Variants in SPAG9 observed in about 807,000 individuals in gnomAD.
The protein encoded by SPAG9 is sperm associated antigen 9.
SPAG9 carries 35 observed loss-of-function variants against 166.5 expected under a neutral mutation model. The ratio of observed to expected loss-of-function variants is 0.21; its 90% CI spans 0.16 to 0.28. The LOEUF is 0.28. SPAG9 is among the 10% of genes least tolerant of loss of function. The probability of loss-of-function intolerance (pLI) is 1.00; values close to 1 mark genes in which losing one functional copy is unlikely to be tolerated. For synonymous variants in SPAG9, 534 were observed against 565.5 expected, an observed-to-expected ratio of 0.94 and a Z score of 0.79; for missense variants, 1,235 against 1,603.3, an observed-to-expected ratio of 0.77 and a Z score of 3.92.
rs772023935 is a variant in SPAG9, at chr17:51,005,259, G to A, written c.1429C>T (p.Arg477Trp). The change falls in exon 12 of 30, where the codon CGG becomes TGG. Residue 477 changes from arginine to tryptophan, a missense_variant. Physicochemically the swap from Arg to Trp is moderately radical, Grantham distance 101. Transcript: ENST00000262013. Reference protein sequence around the residue: ...RELEEELRKARAEAEDARQKA... With the variant: ...RELEEELRKAWAEAEDARQKA... ...TGCCTTGCATCTTCAGCTTCTGCCC[G>A]AGCTCTAGTGGGGAAAAAACAAAAC... 38 of 1,613,538 alleles carry A rather than the reference G, an allele frequency of 2.4e-5. No homozygotes were observed. The highest frequency in any genetic ancestry group is 3.1e-5 in the Non-Finnish European group (36 of 1,179,812).
At chr17:51,092,443 A>G (rs2144694297) in intron 1 of SPAG9, among the ~76,000 whole-genome samples, 1 of 152,294 alleles carries the variant, frequency 6.6e-6, no homozygotes, top group South Asian at 2.1e-4. Context: ...CAACTACAAA[A>G]CTACATTTAA....
chr17:51,095,024 G>A (rs989205524), intron 1 of SPAG9, among the ~76,000 whole-genome samples: 3 of 152,132 alleles, frequency 2.0e-5, no homozygotes, highest in Admixed American at 6.6e-5. Context: ...GGCTGGGCGC[G>A]GTGGCTGACG....
chr17:50,974,717 A>G (rs1053267705), intron 28 of SPAG9, 54 bp downstream of exon 28: 2 of 1,467,664 alleles, frequency 1.4e-6, no homozygotes, highest in Non-Finnish European at 1.8e-6. Context: ...GAACCAAGAG[A>G]TGACAGAAGA....
chr17:51,043,801 T>C (rs966959694), intron 4 of SPAG9, among the ~76,000 whole-genome samples: 2 of 152,188 alleles, frequency 1.3e-5, no homozygotes, highest in Non-Finnish European at 2.9e-5. Context: ...CTCACACTAA[T>C]AGAAATCAAA....
At chr17:51,097,198 G>A (rs1403589819) in intron 1 of SPAG9, among the ~76,000 whole-genome samples, 1 of 152,226 alleles carries the variant, frequency 6.6e-6, no homozygotes, top group Non-Finnish European at 1.5e-5. Flanking sequence ...GGGCATGGAA[G>A]CTCTGCACCA....
At chr17:51,073,497 GAAAT>G (rs1399372290) in intron 2 of SPAG9, among the ~76,000 whole-genome samples, 1 of 151,540 alleles carries the variant, frequency 6.6e-6, no homozygotes. Context: ...AAAAAATTAA[GAAAT>G]AAGTAATTTT....
At chr17:51,065,314 C>T (rs1568055198) in intron 2 of SPAG9, among the ~76,000 whole-genome samples, 2 of 151,996 alleles carry the variant, frequency 1.3e-5, no homozygotes, top group Non-Finnish European at 1.5e-5. Context: ...ATTATAGGCA[C>T]GAGCCACCAG....
chr17:51,119,934 T>C (rs2144818282), intron 1 of SPAG9, among the ~76,000 whole-genome samples: 1 of 152,310 alleles, frequency 6.6e-6, no homozygotes, highest in African/African-American at 2.4e-5. Context: ...GTACTGGAAC[T>C]AGCGGAAGTT....
At chr17:51,038,828 T>C (rs746217867) in intron 5 of SPAG9, among the ~76,000 whole-genome samples, 27 of 152,226 alleles carry the variant, frequency 1.8e-4, no homozygotes, top group Admixed American at 7.2e-4. Flanking sequence ...TTCTATTATT[T>C]CATTTATTTG....
At chr17:50,993,676 TG>T in intron 19 of SPAG9, 87 bp downstream of exon 19, 1 of 1,308,646 alleles carries the variant, frequency 7.6e-7, no homozygotes, top group Non-Finnish European at 1.1e-6. Context: ...GACAGCAAGG[TG>T]CAGAACTGCA....
chr17:50,971,341 CA>C (rs1973788265), intron 28 of SPAG9, among the ~76,000 whole-genome samples: 2 of 134,178 alleles, frequency 1.5e-5, no homozygotes, highest in Admixed American at 1.5e-4. Flanking sequence ...AACAAACAAA[CA>C]AAACCCAATT....
intron 29 of SPAG9, among the ~76,000 whole-genome samples, chr17:50,970,239 C>T (rs1243207075): frequency 3.9e-5 from 6 of 152,000 alleles, no homozygotes; most frequent in East Asian, 1.9e-4. Flanking sequence ...TACCAAGGGC[C>T]GGGTGCGGTG....
intron 1 of SPAG9, among the ~76,000 whole-genome samples, chr17:51,115,432 T>TA (rs34865435): frequency 6.8e-6 from 1 of 146,796 alleles, no homozygotes; most frequent in Non-Finnish European, 1.5e-5. Context: ...TTTTTTTTTT[T>TA]AAAGCAAAAG....
intron 2 of SPAG9, among the ~76,000 whole-genome samples, chr17:51,078,392 C>G: frequency 6.6e-6 from 1 of 152,174 alleles, no homozygotes; most frequent in East Asian, 1.9e-4. Context: ...ACAGTCAGTT[C>G]TCACACACGC....
intron 22 of SPAG9, among the ~76,000 whole-genome samples, chr17:50,986,796 A>G (rs1161998279): frequency 1.3e-5 from 2 of 152,176 alleles, no homozygotes; most frequent in South Asian, 2.1e-4. Flanking sequence ...CATAAATTAA[A>G]TATTCTCTGT....
chr17:50,982,337 C>G (rs1974725852), intron 25 of SPAG9, among the ~76,000 whole-genome samples, 187 bp downstream of exon 25: 1 of 152,204 alleles, frequency 6.6e-6, no homozygotes, highest in African/African-American at 2.4e-5. Context: ...ACTTTCTACC[C>G]TCACAGTCAA....
intron 2 of SPAG9, among the ~76,000 whole-genome samples, chr17:51,062,719 T>C (rs951401474): frequency 3.3e-5 from 5 of 152,140 alleles, no homozygotes; most frequent in Admixed American, 2.6e-4. Context: ...GCCTTCTGAG[T>C]AGCTGGGACT....
chr17:51,070,033 G>A (rs1262183232), intron 2 of SPAG9, among the ~76,000 whole-genome samples: 1 of 151,388 alleles, frequency 6.6e-6, no homozygotes, highest in Non-Finnish European at 1.5e-5. Flanking sequence ...GGCTGAGGTG[G>A]GAGGATCACT....
chr17:51,039,615 T>C (rs2046752571), intron 5 of SPAG9, among the ~76,000 whole-genome samples: 1 of 152,172 alleles, frequency 6.6e-6, no homozygotes, highest in South Asian at 2.1e-4. Context: ...CAAGTCCTCC[T>C]CTAGGGAGGA....
Sources: gnomAD v4.1 joint callset for allele counts (sites outside exome capture counted in the v4.1 genomes callset) on GRCh38, gnomAD v4.1.1 for gene constraint, MANE v1.5 for transcripts, NCBI Gene and HGNC (gene_info 2026-07-23, HGNC 2026-07-21) for gene names.